P4HA1: variants seen among roughly 807,000 people sequenced by gnomAD.
P4HA1 encodes prolyl 4-hydroxylase subunit alpha 1, also known as prolyl 4-hydroxylase subunit alpha-1.
In P4HA1, 24 loss-of-function variants were observed where a neutral mutation model predicts 72.8. That is an observed-to-expected ratio of 0.33 (90% confidence interval 0.24 to 0.46). The LOEUF is 0.46. P4HA1 is among the 20% of genes least tolerant of loss of function. The pLI is 1.00. For synonymous variants in P4HA1, 201 were observed against 218.8 expected, an observed-to-expected ratio of 0.92 and a Z score of 0.72; for missense variants, 446 against 640.6, an observed-to-expected ratio of 0.70 and a Z score of 3.28.
At chr10:73,060,994 T>C (rs1474046087) in intron 5 of P4HA1, among the ~76,000 whole-genome samples, 1 of 152,126 alleles carries the variant, frequency 6.6e-6, no homozygotes, top group Non-Finnish European at 1.5e-5. Flanking sequence ...TTCCTGTTTA[T>C]AGAATTCCAG....
At chr10:73,041,489 C>T (rs1840732202) in intron 9 of P4HA1, among the ~76,000 whole-genome samples, 1 of 149,120 alleles carries the variant, frequency 6.7e-6, no homozygotes, top group Admixed American at 6.7e-5. Flanking sequence ...TGCAGTGAGC[C>T]AAGATTGCGC....
intron 10 of P4HA1, among the ~76,000 whole-genome samples, chr10:73,021,699 A>C (rs1413622889): frequency 2.0e-5 from 3 of 152,240 alleles, no homozygotes; most frequent in African/African-American, 7.2e-5. Flanking sequence ...CGCCTCACCC[A>C]GGAAGCACAA....
chr10:73,069,938 T>C (rs1841513420), intron 4 of P4HA1, among the ~76,000 whole-genome samples: 1 of 151,694 alleles, frequency 6.6e-6, no homozygotes, highest in Non-Finnish European at 1.5e-5. Flanking sequence ...AGCCTCCCAG[T>C]AGCTGGGATT....
In P4HA1 at chr10:73,073,969, T is replaced by C. The variant is rs990385287; in HGVS notation, c.77-142A>G. 3.6e-5 allele frequency: 23 copies of C among 640,872 alleles called. No homozygotes were observed. In the Admixed American group the frequency reaches 6.5e-4, roughly 18 times the overall value. The allele number at this position is 640,872 out of a possible 1,614,324, so 39.7% of individuals were successfully genotyped here. On this transcript the variant is annotated intron_variant, in intron 2 of 14. Coordinates refer to ENST00000394890, the MANE Select transcript of P4HA1 (RefSeq NM_001017962.3). ...TGCTGGAGACTATCTTTTCTTCCTTTTTACCAGATAAACCAAAATAAAGCC... is the reference window on the plus strand; with the variant it reads ...TGCTGGAGACTATCTTTTCTTCCTTCTTACCAGATAAACCAAAATAAAGCC...
chr10:73,083,439 T>C (rs951173119), intron 1 of P4HA1, among the ~76,000 whole-genome samples: 1 of 152,206 alleles, frequency 6.6e-6, no homozygotes, highest in East Asian at 1.9e-4. Flanking sequence ...CATTTCAAGA[T>C]TCATATTAGA....
intron 10 of P4HA1, among the ~76,000 whole-genome samples, chr10:73,028,955 G>C (rs377252038): frequency 6.6e-6 from 1 of 151,938 alleles, no homozygotes; most frequent in African/African-American, 2.4e-5. Flanking sequence ...TGAGGCAGGA[G>C]AATCACTTGA....
intron 12 of P4HA1, among the ~76,000 whole-genome samples, chr10:73,013,670 A>G (rs911318728): frequency 2.6e-5 from 4 of 152,226 alleles, no homozygotes; most frequent in Non-Finnish European, 5.9e-5. Context: ...TTTTCCATAT[A>G]TAAAAATATA....
chr10:73,016,935 T>A, intron 10 of P4HA1, 36 bp from the exon 11 acceptor site: 1 of 1,544,898 alleles, frequency 6.5e-7, no homozygotes, highest in Non-Finnish European at 8.9e-7. Flanking sequence ...AGAAAAGAAC[T>A]ATAAAGATTA....
intron 4 of P4HA1, 109 bp downstream of exon 4, chr10:73,071,920 T>C: frequency 1.3e-6 from 1 of 786,622 alleles, no homozygotes; most frequent in South Asian, 2.8e-5. Context: ...CATAATCCAG[T>C]TACAACACTG....
intron 9 of P4HA1, among the ~76,000 whole-genome samples, chr10:73,044,586 A>G (rs945696851): frequency 2.0e-5 from 3 of 152,212 alleles, no homozygotes; most frequent in Non-Finnish European, 4.4e-5. Context: ...GAATCACCGC[A>G]GCATTTATGA....
intron 9 of P4HA1, among the ~76,000 whole-genome samples, chr10:73,032,029 GAA>G (rs1249462271): frequency 6.6e-6 from 1 of 152,152 alleles, no homozygotes; most frequent in African/African-American, 2.4e-5. Context: ...CCCTACTGGA[GAA>G]AGTCATGAAA....
chr10:73,031,063 A>AT (rs1840422276), intron 9 of P4HA1, among the ~76,000 whole-genome samples: 1 of 145,238 alleles, frequency 6.9e-6, no homozygotes, highest in African/African-American at 2.8e-5. Context: ...ACTTGTACAG[A>AT]ATTTTTTATG....
Position 73,080,332 on chromosome 10 carries a change from C to A in P4HA1, c.-32-5417G>T, listed in dbSNP as rs112134053. Among the ~76,000 whole-genome samples, 35 of 152,278 alleles carry A rather than the reference C, an allele frequency of 2.3e-4. 1 individual carries two copies. The highest frequency in any genetic ancestry group is 7.7e-4 in the African/African-American group (32 of 41,558). The stretch of plus-strand genomic sequence containing the variant: ...CAAACTTTAGCTCTATCAGAATCAC[C>A]TAAAGGTCTGAAAAGTCGAGATAAT... On this transcript the variant is annotated intron_variant, in intron 1 of 14. Coordinates refer to ENST00000394890, the MANE Select transcript of P4HA1 (RefSeq NM_001017962.3).
intron 9 of P4HA1, among the ~76,000 whole-genome samples, chr10:73,040,333 T>C (rs926313720): frequency 6.6e-6 from 1 of 152,136 alleles, no homozygotes; most frequent in African/African-American, 2.4e-5. Flanking sequence ...TTTTTAAGTG[T>C]ATAGATCACT....
chr10:73,068,765 T>C, intron 5 of P4HA1, 81 bp downstream of exon 5: 1 of 1,164,052 alleles, frequency 8.6e-7, no homozygotes. Context: ...ATGCAAGTCT[T>C]TTTTATACTA....
chr10:73,054,003 G>A (rs945403334), intron 5 of P4HA1, among the ~76,000 whole-genome samples: 12 of 151,004 alleles, frequency 7.9e-5, no homozygotes, highest in African/African-American at 2.4e-4. Flanking sequence ...CACAACCTCC[G>A]CCTCCCAGGT....
chr10:73,078,573 T>C (rs1256476428), intron 1 of P4HA1, among the ~76,000 whole-genome samples: 2 of 151,472 alleles, frequency 1.3e-5, no homozygotes, highest in African/African-American at 4.8e-5. Context: ...AAAGTGTAAT[T>C]GTCTCTGGTT....
intron 1 of P4HA1, among the ~76,000 whole-genome samples, chr10:73,078,742 G>A (rs1452192325): frequency 1.3e-5 from 2 of 150,674 alleles, no homozygotes; most frequent in South Asian, 2.1e-4. Flanking sequence ...CTCCCAAGTA[G>A]CTGGGATTAT....
intron 10 of P4HA1, among the ~76,000 whole-genome samples, chr10:73,022,417 GAAGGAAAA>G (rs1840157882): frequency 6.6e-6 from 1 of 152,190 alleles, no homozygotes; most frequent in Non-Finnish European, 1.5e-5. Flanking sequence ...CTGACTGTTA[GAAGGAAAA>G]CTAACAGAAA....
Sources: allele counts gnomAD v4.1 joint callset (sites outside exome capture counted in the v4.1 genomes callset), GRCh38; gene constraint gnomAD v4.1.1; transcripts MANE v1.5; gene names NCBI Gene and HGNC (gene_info 2026-07-23, HGNC 2026-07-21).